Variants in LYPD6B observed in about 807,000 individuals in gnomAD.
LYPD6B encodes the protein LY6/PLAUR domain containing 6B.
Under a neutral mutation model 22.8 loss-of-function variants are expected in LYPD6B, and 17 were observed. That is an observed-to-expected ratio of 0.75 (90% CI 0.51 to 1.12). LYPD6B has a LOEUF of 1.12. Ranked by LOEUF, LYPD6B falls within the 50% of genes most tolerant of loss-of-function variation. The pLI is 0.00. For missense variants in LYPD6B, 221 were observed against 258.3 expected (o/e 0.86, Z 0.99); for synonymous variants, 106 against 91.6 (o/e 1.16, Z -0.90).
At chr2:149,105,262 C>G (rs999935006) in intron 1 of LYPD6B, among the ~76,000 whole-genome samples, 12 of 152,106 alleles carry the variant, frequency 7.9e-5, no homozygotes, top group African/African-American at 2.7e-4. Context: ...GTCTTAAAAT[C>G]AAGTGGTTGA....
At chr2:149,193,388 A>G (rs1692615899) in intron 3 of LYPD6B, among the ~76,000 whole-genome samples, 1 of 152,152 alleles carries the variant, frequency 6.6e-6, no homozygotes, top group South Asian at 2.1e-4. Flanking sequence ...CACTTTCTCT[A>G]GGAGTCTTAT....
At chr2:149,159,752 T>G (rs1409265870) in intron 2 of LYPD6B, among the ~76,000 whole-genome samples, 1 of 152,012 alleles carries the variant, frequency 6.6e-6, no homozygotes, top group African/African-American at 2.4e-5. Context: ...GGAAGAGTTA[T>G]TGTTGCAATC....
intron 1 of LYPD6B, among the ~76,000 whole-genome samples, chr2:149,054,305 A>G (rs186474772): frequency 6.6e-6 from 1 of 152,176 alleles, no homozygotes; most frequent in Non-Finnish European, 1.5e-5. Flanking sequence ...GGTGTGAAGT[A>G]ATATTTCTTT....
chr2:149,108,773 AT>A (rs973781159), intron 1 of LYPD6B, among the ~76,000 whole-genome samples: 4 of 151,232 alleles, frequency 2.6e-5, no homozygotes, highest in African/African-American at 9.7e-5. Flanking sequence ...CCCTTTCCTT[AT>A]TTTTCTGGCT....
chr2:149,097,519 C>A (rs929016833), intron 1 of LYPD6B, among the ~76,000 whole-genome samples: 1 of 152,168 alleles, frequency 6.6e-6, no homozygotes, highest in African/African-American at 2.4e-5. Context: ...TTTTTATTTG[C>A]TGAACTAGCA....
At chr2:149,107,858 T>C (rs1441734950) in intron 1 of LYPD6B, among the ~76,000 whole-genome samples, 2 of 152,236 alleles carry the variant, frequency 1.3e-5, no homozygotes, top group East Asian at 3.8e-4. Flanking sequence ...GGTGGAGGGA[T>C]CTATAACTGC....
At chr2:149,156,826 C>CTGA (rs1689734186) in intron 2 of LYPD6B, among the ~76,000 whole-genome samples, 1 of 152,184 alleles carries the variant, frequency 6.6e-6, no homozygotes, top group South Asian at 2.1e-4. Flanking sequence ...AGGGAATTGT[C>CTGA]ATTCTACAAA....
chr2:149,059,004 A>G (rs2105313632), intron 1 of LYPD6B, among the ~76,000 whole-genome samples: 1 of 152,180 alleles, frequency 6.6e-6, no homozygotes, highest in East Asian at 1.9e-4. Flanking sequence ...GAGATGTGAG[A>G]TTTTGAGGGC....
intron 3 of LYPD6B, among the ~76,000 whole-genome samples, chr2:149,194,693 C>A (rs1692698450): frequency 6.6e-6 from 1 of 152,166 alleles, no homozygotes; most frequent in East Asian, 1.9e-4. Context: ...ATCTGCCAGT[C>A]TACCAGCACC....
chr2:149,161,976 A>G (rs977223254), intron 3 of LYPD6B, among the ~76,000 whole-genome samples: 5 of 152,180 alleles, frequency 3.3e-5, no homozygotes, highest in Non-Finnish European at 5.9e-5. Context: ...CCCGGGGCAT[A>G]TTGGGTGGAA....
At chr2:149,179,703 A>G (rs1162271474) in intron 3 of LYPD6B, among the ~76,000 whole-genome samples, 1 of 152,212 alleles carries the variant, frequency 6.6e-6, no homozygotes, top group Non-Finnish European at 1.5e-5. Flanking sequence ...CAGCAAAGTC[A>G]CAGTCCCCTC....
intron 3 of LYPD6B, among the ~76,000 whole-genome samples, chr2:149,164,904 A>G (rs1334275302): frequency 2.0e-5 from 3 of 152,214 alleles, no homozygotes; most frequent in Non-Finnish European, 2.9e-5. Flanking sequence ...CTATTGCACA[A>G]CAAACCACCT....
intron 3 of LYPD6B, among the ~76,000 whole-genome samples, chr2:149,186,459 A>T (rs971351850): frequency 6.6e-6 from 1 of 152,234 alleles, no homozygotes; most frequent in Admixed American, 6.5e-5. Flanking sequence ...AGGTGGGTTC[A>T]TGAGGATGAA....
At chr2:149,041,886 C>T (rs972298107) in intron 1 of LYPD6B, among the ~76,000 whole-genome samples, 2 of 152,204 alleles carry the variant, frequency 1.3e-5, no homozygotes, top group East Asian at 1.9e-4. Context: ...GTTTTCCATA[C>T]TCCCAATAGT....
At chr2:149,191,847 A>G (rs1228637679) in intron 3 of LYPD6B, among the ~76,000 whole-genome samples, 1 of 152,228 alleles carries the variant, frequency 6.6e-6, no homozygotes, top group Non-Finnish European at 1.5e-5. Context: ...CTAATATACC[A>G]TGAGAAAGTA....
At chr2:149,146,521 G>T (rs1158948904) in intron 2 of LYPD6B, among the ~76,000 whole-genome samples, 1 of 152,206 alleles carries the variant, frequency 6.6e-6, no homozygotes, top group East Asian at 1.9e-4. Flanking sequence ...ACGCCAGGCT[G>T]TGTGAAAGGA....
chr2:149,071,877 A>C (rs1442828838), intron 1 of LYPD6B, among the ~76,000 whole-genome samples: 1 of 152,190 alleles, frequency 6.6e-6, no homozygotes, highest in Non-Finnish European at 1.5e-5. Context: ...GAAAAAGGGC[A>C]TAATGGCATT....
At chr2:149,197,727 G>A (rs60176178) in intron 3 of LYPD6B, among the ~76,000 whole-genome samples, 1 of 152,150 alleles carries the variant, frequency 6.6e-6, no homozygotes, top group African/African-American at 2.4e-5. Flanking sequence ...AGAGCAAAGG[G>A]AAATGCACAG....
chr2:149,175,950 C>T (rs1691272113), intron 3 of LYPD6B, among the ~76,000 whole-genome samples: 1 of 151,698 alleles, frequency 6.6e-6, no homozygotes, highest in Non-Finnish European at 1.5e-5. Flanking sequence ...AGGCTGTATA[C>T]AGTTCACTTT....
Sources: allele counts gnomAD v4.1 joint callset (sites outside exome capture counted in the v4.1 genomes callset), GRCh38; gene constraint gnomAD v4.1.1; transcripts MANE v1.5; gene names NCBI Gene and HGNC (gene_info 2026-07-23, HGNC 2026-07-21).